The following AGAP6 variants were observed in gnomAD, a reference collection of about 807,000 sequenced individuals.
The protein encoded by AGAP6 is arf-GAP with GTPase, ANK repeat and PH domain-containing protein 6.
Under a neutral mutation model 63.9 loss-of-function variants are expected in AGAP6, and 29 were observed. That is an observed-to-expected ratio of 0.45 (90% CI 0.34 to 0.62). The LOEUF (loss-of-function observed/expected upper bound fraction) is 0.62. AGAP6 is among the 20% of genes least tolerant of loss of function. The pLI is 0.01. For synonymous variants in AGAP6, 199 were observed against 332.9 expected, an observed-to-expected ratio of 0.60 and a Z score of 4.38; for missense variants, 493 against 884.9, an observed-to-expected ratio of 0.56 and a Z score of 5.62.
rs201001966 is a variant in AGAP6 at position 49,989,305 on chromosome 10, T to G, written c.224-3T>G. ...TTTTTCTTTTCTCCCTCTATACATA[T>G]AGCTTTGGAGTTTAACCTTTCTGCC... On this transcript the variant is annotated splice_polypyrimidine_tract_variant and splice_region_variant and intron_variant, in intron 1 of 7. Transcript: ENST00000412531. 1 of 1,597,470 alleles carries G rather than the reference T, an allele frequency of 6.3e-7. No individual in the cohort carries two copies. The highest frequency in any genetic ancestry group is 8.5e-7 in the Non-Finnish European group (1 of 1,179,750).
rs558289478 is a variant in AGAP6 at position 49,988,751 on chromosome 10, C to G, written c.36C>G (p.Ser12Arg). The G allele has an allele frequency of 7.0e-4, 1,108 of 1,590,932 alleles. 5 individuals are homozygous for G. The African/African-American group carries it at 0.014, about 20-fold the overall frequency. ...GNILTCRVHP[S>R]VSLEFDQQQG... ...TACTGACCTGTCGTGTGCACCCTAG[C>G]GTCAGCCTCGAGTTTGACCAGCAGC... Residue 12 changes from serine (S) to arginine (R), a missense_variant, in exon 1 of 8, where the codon AGC becomes AGG. By Grantham distance (110) the Ser-to-Arg change is moderately radical. Transcript: ENST00000412531.
At chr10:49,992,076 T>C (rs1475017432) in intron 3 of AGAP6, among the ~76,000 whole-genome samples, 8 of 151,552 alleles carry the variant, frequency 5.3e-5, no homozygotes, top group Non-Finnish European at 1.2e-4. Flanking sequence ...CCTTTTCCCT[T>C]GCTCCAAAAA....
intron 4 of AGAP6, among the ~76,000 whole-genome samples, chr10:49,999,385 C>A (rs376952412): frequency 0.085 from 11,727 of 137,798 alleles, 1,900 homozygotes; most frequent in African/African-American, 0.17. Context: ...TAAACAGATG[C>A]AGAAAAAGCA....
chr10:49,988,864 A>G lies in AGAP6; in HGVS notation c.149A>G (p.Gln50Arg). The stretch of plus-strand genomic sequence containing the variant: ...GGAGCGCCCATGGCTGCTGCTGTAC[A>G]GCCTGCTGAGGTGACTGTTGAAGTT... ...MAGAPMAAAV[Q>R]PAEVTVEVGE... The change falls in exon 1 of 8, where the codon CAG (glutamine) becomes CGG (arginine). Residue 50 changes from glutamine to arginine, a missense_variant. Gln to Arg is a conservative substitution (Grantham distance 43, BLOSUM62 1). This residue lies in a region of AGAP6 where 342 missense variants were observed against 533.4 expected (regional missense o/e 0.64). Transcript: ENST00000412531. The G allele has an allele frequency of 1.9e-6, 3 of 1,599,236 alleles. No homozygotes were observed. The highest frequency in any genetic ancestry group is 1.1e-5 in the South Asian group (1 of 90,976).
At chr10:50,007,968 A>C (rs554971176) in intron 6 of AGAP6, 57 bp from the exon 7 acceptor site, 1 of 1,610,958 alleles carries the variant, frequency 6.2e-7, no homozygotes, top group South Asian at 1.1e-5. Flanking sequence ...TTTACTAAAC[A>C]AATATTATAC....
chr10:49,990,368 C>G (rs1260386587), intron 2 of AGAP6, among the ~76,000 whole-genome samples: 1 of 152,180 alleles, frequency 6.6e-6, no homozygotes, highest in Admixed American at 6.5e-5. Context: ...TTGCTTGGAC[C>G]TGGGAGGTGG....
At chr10:49,996,361 T>A (rs1237530394) in intron 4 of AGAP6, among the ~76,000 whole-genome samples, 1 of 152,182 alleles carries the variant, frequency 6.6e-6, no homozygotes, top group Admixed American at 6.5e-5. Flanking sequence ...CCTGCTTTAT[T>A]TGGAAGCAGG....
At chr10:49,998,423 T>TG (rs1841575511) in intron 4 of AGAP6, among the ~76,000 whole-genome samples, 1 of 88,674 alleles carries the variant, frequency 1.1e-5, no homozygotes, top group Admixed American at 1.8e-4. Context: ...AGTTTCATTC[T>TG]CCCGCATGTG....
At chr10:49,991,285 G>A (rs1841263353) in intron 2 of AGAP6, among the ~76,000 whole-genome samples, 1 of 151,136 alleles carries the variant, frequency 6.6e-6, no homozygotes, top group African/African-American at 2.4e-5. Context: ...CTTATATTTT[G>A]CCTATAAAAT....
intron 4 of AGAP6, among the ~76,000 whole-genome samples, chr10:49,997,899 A>C (rs1298376167): frequency 7.2e-6 from 1 of 138,308 alleles, no homozygotes; most frequent in Non-Finnish European, 1.5e-5. Flanking sequence ...TTCCATGCTG[A>C]GTTATTTCAC....
At chr10:50,003,787 G>T (rs1397682312) in intron 5 of AGAP6, among the ~76,000 whole-genome samples, 2 of 152,268 alleles carry the variant, frequency 1.3e-5, no homozygotes, top group Middle Eastern at 3.4e-3. Flanking sequence ...TTTAAGGTCT[G>T]TTTCCCTGAT....
At chr10:49,995,972 G>A (rs1418250521) in intron 4 of AGAP6, among the ~76,000 whole-genome samples, 1 of 152,064 alleles carries the variant, frequency 6.6e-6, no homozygotes, top group Non-Finnish European at 1.5e-5. Context: ...TTTTATAACA[G>A]CTTGTTGGGG....
intron 2 of AGAP6, among the ~76,000 whole-genome samples, chr10:49,990,288 T>A (rs1237261627): frequency 6.6e-6 from 1 of 151,164 alleles, no homozygotes; most frequent in East Asian, 1.9e-4. Flanking sequence ...AAAAAAAAAA[T>A]ACAAAAATTA....
chr10:50,008,896 G>A lies in AGAP6; in HGVS notation c.771G>A (p.Glu257=). 6.2e-7 allele frequency: 1 copy of A among 1,610,600 alleles called. No homozygotes were observed. Among genetic ancestry groups the A allele is most frequent in the Non-Finnish European group, 8.5e-7 (1 of 1,177,834 alleles). ...SMRWSNLFTS[E]KGSDPDKERK... is the part of the protein sequence containing the mutation. ...GCTGGTCCAACCTGTTTACATCTGA[G>A]AAAGGGAGTGACCCAGACAAAGAGA... The change falls in exon 8 of 8, where the codon GAG becomes GAA. Residue 257 remains glutamate (E), a synonymous_variant. Coordinates refer to ENST00000412531, the MANE Select transcript of AGAP6 (RefSeq NM_001077665.3).
chr10:49,988,849 T>C lies in AGAP6; in HGVS notation c.134T>C (p.Met45Thr), dbSNP rs781990227. Residue 45 changes from methionine to threonine, a missense_variant, in exon 1 of 8, where the codon ATG (methionine) becomes ACG (threonine). Physicochemically the swap from Met to Thr is moderately conservative, Grantham distance 81 (BLOSUM62 -1). This residue lies in a region of AGAP6 where 342 missense variants were observed against 533.4 expected (regional missense o/e 0.64). Transcript: ENST00000412531. ...GARDRMAGAP[M>T]AAAVQPAEVT... The stretch of plus-strand genomic sequence containing the variant: ...AGGGACAGGATGGCAGGAGCGCCCA[T>C]GGCTGCTGCTGTACAGCCTGCTGAG... The C allele has an allele frequency of 1.9e-6, 3 of 1,598,482 alleles. No homozygotes were observed. Among genetic ancestry groups the C allele is most frequent in the Admixed American group, 3.3e-5 (2 of 59,962 alleles).
chr10:49,991,327 G>A (rs1474780018), intron 2 of AGAP6, among the ~76,000 whole-genome samples: 1 of 147,106 alleles, frequency 6.8e-6, no homozygotes, highest in South Asian at 2.2e-4. Context: ...CTGACATCTT[G>A]ATTTATTTTA....
At chr10:49,993,694 C>T (rs1310689609) in intron 3 of AGAP6, among the ~76,000 whole-genome samples, 3 of 151,950 alleles carry the variant, frequency 2.0e-5, no homozygotes, top group Non-Finnish European at 2.9e-5. Flanking sequence ...GTGGCATGTG[C>T]CTGTACTCCC....
chr10:49,989,264 A>G (rs1378515350), intron 1 of AGAP6, 44 bp from the exon 2 acceptor site: 1 of 1,594,906 alleles, frequency 6.3e-7, no homozygotes, highest in Non-Finnish European at 8.5e-7. Context: ...ATAAATTTTT[A>G]TAAATGATTA....
chr10:49,993,714 G>C (rs1841371811), intron 3 of AGAP6, among the ~76,000 whole-genome samples: 1 of 151,580 alleles, frequency 6.6e-6, no homozygotes, highest in Admixed American at 6.6e-5. Flanking sequence ...CAGCTAATCA[G>C]GAGGCTAAGG....
Sources: gnomAD v4.1 joint callset for allele counts (sites outside exome capture counted in the v4.1 genomes callset) on GRCh38, gnomAD v4.1.1 for gene constraint, gnomAD v4.1.1 regional missense constraint, MANE v1.5 for transcripts, NCBI Gene and HGNC (gene_info 2026-07-23, HGNC 2026-07-21) for gene names.